TKT: variants seen among roughly 807,000 people sequenced by gnomAD.
TKT encodes the protein transketolase.
A neutral mutation model predicts 63.9 loss-of-function variants in TKT; 47 were observed. The observed-to-expected ratio is 0.74, with a 90% CI of 0.58 to 0.94. The LOEUF (loss-of-function observed/expected upper bound fraction) is 0.94. Among genes scored for constraint, TKT ranks in the 40% least tolerant of loss-of-function variants. The pLI is 0.00. For synonymous variants in TKT, 338 were observed against 334.1 expected (o/e 1.01, Z -0.13); for missense variants, 721 against 846.2 (o/e 0.85, Z 1.84).
chr3:53,233,845 G>C (rs1298374551), intron 5 of TKT: 1 of 152,268 alleles, frequency 6.6e-6, no homozygotes, highest in Non-Finnish European at 1.5e-5. Context: ...CTCAAACTGA[G>C]TGCCATGCCA....
At chr3:53,227,658 A>T (rs1704557611) in intron 12 of TKT, 2 of 188,776 alleles carry the variant, frequency 1.1e-5, no homozygotes, top group South Asian at 1.9e-4. Flanking sequence ...CCCTCAGGAG[A>T]GCTCTGAGGG....
At chr3:53,236,710 C>T (rs1355020721) in intron 4 of TKT, among the ~76,000 whole-genome samples, 7 of 152,214 alleles carry the variant, frequency 4.6e-5, no homozygotes, top group East Asian at 1.9e-4. Context: ...CCAGGGAAGT[C>T]GAACCGAGGC....
At chr3:53,244,881 T>C (rs1168149311) in intron 1 of TKT, among the ~76,000 whole-genome samples, 3 of 93,554 alleles carry the variant, frequency 3.2e-5, no homozygotes, top group Non-Finnish European at 7.8e-5. Flanking sequence ...CACACTTGAC[T>C]GTTCAAAAAA....
intron 4 of TKT, among the ~76,000 whole-genome samples, chr3:53,236,637 C>G (rs1394194793): frequency 6.6e-6 from 1 of 152,210 alleles, no homozygotes; most frequent in Admixed American, 6.5e-5. Context: ...GAAGCCAACT[C>G]GACTTCCCAG....
intron 1 of TKT, among the ~76,000 whole-genome samples, chr3:53,249,250 G>A (rs1470492707): frequency 3.3e-5 from 5 of 151,228 alleles, no homozygotes; most frequent in Non-Finnish European, 5.9e-5. Context: ...GATTACAGGT[G>A]TGAGCTATCA....
intron 11 of TKT, 34 bp from the exon 12 acceptor site, chr3:53,228,183 G>A (rs1553675999): frequency 8.7e-6 from 14 of 1,613,660 alleles, no homozygotes; most frequent in Admixed American, 1.7e-5. Context: ...TAAGGCTCAG[G>A]GCCCTGGGGC....
In TKT at chr3:53,241,157, G is replaced by C. The variant is rs1705254688; in HGVS notation, c.314C>G (p.Ser105Cys). Residue 105 changes from serine (S) to cysteine (C), a missense_variant, in exon 3 of 14, where the codon TCC becomes TGC. Transcript: ENST00000462138. ...AELLNLRKIS[S>C]DLDGHPVPKQ... Reference sequence around the variant, plus strand: ...CGGGACCGGGTGCCCGTCCAAGTCGGAGCTGATCTTCCTCAGGTTCAGCAG... The same window carrying C: ...CGGGACCGGGTGCCCGTCCAAGTCGCAGCTGATCTTCCTCAGGTTCAGCAG... The C allele has an allele frequency of 6.3e-7, 1 of 1,580,760 alleles. No individual in the cohort carries two copies. The highest frequency in any genetic ancestry group is 8.6e-7 in the Non-Finnish European group (1 of 1,168,074).
chr3:53,252,638 C>T (rs782751516), intron 1 of TKT, among the ~76,000 whole-genome samples: 7 of 152,050 alleles, frequency 4.6e-5, no homozygotes, highest in Admixed American at 2.6e-4. Flanking sequence ...GGGGTAACGG[C>T]GGTGAGGAAA....
chr3:53,230,687 GC>G, intron 7 of TKT, 66 bp from the exon 8 acceptor site: 1 of 1,580,050 alleles, frequency 6.3e-7, no homozygotes. Flanking sequence ...GCAGCCTGGA[GC>G]CCTGCTTTCA....
At chr3:53,228,614 C>T (rs1420060248) in intron 10 of TKT, 10 of 528,140 alleles carry the variant, frequency 1.9e-5, no homozygotes, top group Non-Finnish European at 3.4e-5. Flanking sequence ...GTGGGCTACT[C>T]CCACAGACTG....
At chr3:53,252,318 A>G (rs1158075866) in intron 1 of TKT, among the ~76,000 whole-genome samples, 3 of 152,218 alleles carry the variant, frequency 2.0e-5, no homozygotes, top group African/African-American at 7.2e-5. Flanking sequence ...ACATCTGGGG[A>G]CAAGAAACAG....
chr3:53,247,357 C>CAAAAA (rs71087068), intron 1 of TKT, among the ~76,000 whole-genome samples: 1 of 68,170 alleles, frequency 1.5e-5, no homozygotes, highest in African/African-American at 6.8e-5. Flanking sequence ...AACTCAGCCT[C>CAAAAA]AAAAAAAAAA....
At chr3:53,244,037 A>T (rs1350279353) in intron 1 of TKT, among the ~76,000 whole-genome samples, 1 of 152,208 alleles carries the variant, frequency 6.6e-6, no homozygotes, top group African/African-American at 2.4e-5. Context: ...TGTGTGTGGC[A>T]GAAGCACACC....
At chr3:53,250,943 C>CT (rs1705719078) in intron 1 of TKT, among the ~76,000 whole-genome samples, 3 of 151,978 alleles carry the variant, frequency 2.0e-5, no homozygotes, top group South Asian at 2.1e-4. Flanking sequence ...ACAGCTCTTT[C>CT]TTTTTTTTGT....
At chr3:53,237,935 A>G (rs1304205474) in intron 4 of TKT, 1 of 152,238 alleles carries the variant, frequency 6.6e-6, no homozygotes, top group Non-Finnish European at 1.5e-5. Context: ...AGAAAAAATA[A>G]AAATAAAAAA....
chr3:53,245,810 A>G (rs782092623), intron 1 of TKT, among the ~76,000 whole-genome samples: 4 of 152,176 alleles, frequency 2.6e-5, no homozygotes, highest in Non-Finnish European at 5.9e-5. Context: ...AATGAAAATA[A>G]TTTACCAAAA....
chr3:53,244,332 A>C (rs1553680522), intron 1 of TKT, among the ~76,000 whole-genome samples: 2 of 152,140 alleles, frequency 1.3e-5, no homozygotes. Context: ...GAGCTGTGCC[A>C]CTTGGGCTTC....
At chr3:53,243,734 G>C in intron 1 of TKT, 1 of 421,130 alleles carries the variant, frequency 2.4e-6, no homozygotes, top group African/African-American at 2.0e-5. Context: ...CTAATCCCAC[G>C]CTCCCAGGGC....
intron 1 of TKT, among the ~76,000 whole-genome samples, chr3:53,254,506 C>T (rs898843538): frequency 6.6e-6 from 1 of 152,220 alleles, no homozygotes; most frequent in Non-Finnish European, 1.5e-5. Context: ...GAAAGGTGAA[C>T]AGATTTACTT....
Sources: allele counts gnomAD v4.1 joint callset (sites outside exome capture counted in the v4.1 genomes callset), GRCh38; gene constraint gnomAD v4.1.1; transcripts MANE v1.5; gene names NCBI Gene and HGNC (gene_info 2026-07-23, HGNC 2026-07-21).